The following PLEKHA8 variants were observed in gnomAD, a reference collection of about 807,000 sequenced individuals.
PLEKHA8 encodes the protein pleckstrin homology domain containing A8.
In PLEKHA8, 36 loss-of-function variants were observed where a neutral mutation model predicts 68.2. The ratio of observed to expected loss-of-function variants is 0.53; its 90% CI spans 0.40 to 0.70. The LOEUF (loss-of-function observed/expected upper bound fraction) is 0.70. PLEKHA8 is among the 30% of genes least tolerant of loss of function. The pLI, the probability that PLEKHA8 is intolerant of heterozygous loss-of-function variation, is 0.00. For missense variants in PLEKHA8, 505 were observed against 615.4 expected, an observed-to-expected ratio of 0.82 and a Z score of 1.90; for synonymous variants, 211 against 216.1, an observed-to-expected ratio of 0.98 and a Z score of 0.20.
chr7:30,029,179 G>C (rs564540179), intron 1 of PLEKHA8, among the ~76,000 whole-genome samples: 3 of 152,342 alleles, frequency 2.0e-5, no homozygotes, highest in Non-Finnish European at 4.4e-5. Context: ...TTGGCTCGCA[G>C]CTAGGTTGGA....
chr7:30,031,839 A>G (rs551382708), intron 1 of PLEKHA8, among the ~76,000 whole-genome samples: 21 of 152,306 alleles, frequency 1.4e-4, no homozygotes, highest in African/African-American at 5.1e-4. Context: ...TTAATTACTG[A>G]AAGTTAGAAT....
At chr7:30,109,232 T>A (rs1015614653) in intron 13 of PLEKHA8, among the ~76,000 whole-genome samples, 2 of 152,178 alleles carry the variant, frequency 1.3e-5, no homozygotes, top group African/African-American at 4.8e-5. Context: ...AACACAGAAT[T>A]CCCATATAAC....
Position 30,055,376 on chromosome 7 carries a change from T to G in PLEKHA8, c.1039+34T>G, listed in dbSNP as rs751874500. On this transcript the variant is annotated intron_variant, in intron 9 of 13. Coordinates refer to ENST00000449726, the MANE Select transcript of PLEKHA8 (RefSeq NM_001197026.2). ...CCTGCAGTTGCCTTACATTCATTCATGTCTAGAATCTGCCTCACTGTAGTT... is the reference window on the plus strand; with the variant it reads ...CCTGCAGTTGCCTTACATTCATTCAGGTCTAGAATCTGCCTCACTGTAGTT... The G allele has an allele frequency of 1.9e-6, 3 of 1,581,154 alleles. No homozygotes were observed. The East Asian group carries it at 6.7e-5, about 35-fold the overall frequency.
rs942368161 is a variant in PLEKHA8 at position 30,083,899 on chromosome 7, A to G, written c.*5112A>G. 43 of 985,308 alleles carry G rather than the reference A, an allele frequency of 4.4e-5. No individual in the cohort carries two copies. Among genetic ancestry groups the G allele is most frequent in the Non-Finnish European group, 5.2e-5 (43 of 829,928 alleles). 61.0% of individuals were successfully genotyped at this position (985,308 alleles called of 1,614,324 possible). On this transcript the variant is annotated 3_prime_UTR_variant, in exon 14 of 14. Coordinates refer to ENST00000449726, the MANE Select transcript of PLEKHA8 (RefSeq NM_001197026.2). Reference sequence around the variant, plus strand: ...ATCTTACCCACACAGACTCCTGTGTATGCGTGTCTGTTTATAGGTGTATAT... The same window carrying G: ...ATCTTACCCACACAGACTCCTGTGTGTGCGTGTCTGTTTATAGGTGTATAT...
chr7:30,123,042 T>C (rs113133454), intron 13 of PLEKHA8, among the ~76,000 whole-genome samples: 19 of 152,286 alleles, frequency 1.2e-4, no homozygotes, highest in African/African-American at 4.3e-4. Flanking sequence ...CTAAGCTAGC[T>C]TGAATGAGTT....
chr7:30,060,885 C>A lies in PLEKHA8; in HGVS notation c.1041C>A (p.Asp347Glu), dbSNP rs776169032. The A allele has an allele frequency of 1.9e-6, 3 of 1,611,244 alleles. No individual in the cohort carries two copies. Among genetic ancestry groups the A allele is most frequent in the Non-Finnish European group, 2.5e-6 (3 of 1,178,954 alleles). The change falls in exon 10 of 14, where the codon GAC becomes GAA. Residue 347 changes from aspartate to glutamate, a missense_variant and splice_region_variant. Transcript: ENST00000449726. ...AATGTTTTTAATCTTTTCTTCTAGA[C>A]AAACTTGGCCCTACAGTGTTTGCTC... ...ASCYAVVPVL[D>E]KLGPTVFAPV...
chr7:30,065,715 C>T (rs1793798546), intron 12 of PLEKHA8, among the ~76,000 whole-genome samples: 1 of 151,622 alleles, frequency 6.6e-6, no homozygotes, highest in Admixed American at 6.5e-5. Flanking sequence ...ACAGCTATCA[C>T]TTACAGAGCA....
At position 30,067,622 on chromosome 7, in the gene PLEKHA8, G is replaced by A. The variant is rs114994275; in HGVS notation, c.1300+4880G>A. Among the ~76,000 whole-genome samples the A allele has an allele frequency of 7.3e-3, 1,110 of 152,254 alleles. 17 individuals carry two copies. Among genetic ancestry groups the A allele is most frequent in the African/African-American group, 0.026 (1,065 of 41,544 alleles). ...CCAGAGATCATCATCCTGAATTTGC[G>A]TAGTTCATTATGTAATACATGTTTT... On this transcript the variant is annotated intron_variant, in intron 12 of 13. Transcript: ENST00000449726.
At chr7:30,065,214 C>T (rs548224258) in intron 12 of PLEKHA8, among the ~76,000 whole-genome samples, 181 of 152,292 alleles carry the variant, frequency 1.2e-3, no homozygotes, top group African/African-American at 3.6e-3. Flanking sequence ...CCTCTCTTCT[C>T]CTTCGGCACA....
chr7:30,082,528 C>T lies in PLEKHA8; in HGVS notation c.*3741C>T, dbSNP rs866360585. On this transcript the variant is annotated 3_prime_UTR_variant, in exon 14 of 14. Transcript: ENST00000449726. ...CGGGTGAATGACATGACATGGGGCA[C>T]CTAGGAAAGATGATTATTAGAGGAG... 2.0e-6 allele frequency: 2 copies of T among 985,244 alleles called. No individual in the cohort carries two copies. The highest frequency in any genetic ancestry group is 9.4e-5 in the South Asian group (2 of 21,266). The allele number at this position is 985,244 out of a possible 1,614,324, so 61.0% of individuals were successfully genotyped here. A position where few individuals can be genotyped will look rare whatever the true frequency, so the allele number is the denominator to read the frequency against.
chr7:30,041,814 G>A (rs77871572), intron 1 of PLEKHA8, among the ~76,000 whole-genome samples: 8,436 of 152,068 alleles, frequency 0.055, 357 homozygotes, highest in Middle Eastern at 0.078. Context: ...TCAGTTTTAG[G>A]ACACTCTTTT....
chr7:30,120,748 G>T (rs1016926550), intron 13 of PLEKHA8, among the ~76,000 whole-genome samples: 5 of 152,182 alleles, frequency 3.3e-5, no homozygotes, highest in African/African-American at 1.2e-4. Context: ...AATTCAGTTG[G>T]CTTGATTGGT....
At chr7:30,117,487 T>G (rs1273726296) in intron 13 of PLEKHA8, among the ~76,000 whole-genome samples, 1 of 152,146 alleles carries the variant, frequency 6.6e-6, no homozygotes, top group African/African-American at 2.4e-5. Flanking sequence ...GGAGGATTGC[T>G]TTAGCTCAGG....
Position 30,028,820 on chromosome 7 carries a change from G to C in PLEKHA8, c.40+18G>C, listed in dbSNP as rs1387050683. The C allele has an allele frequency of 3.2e-6, 4 of 1,261,004 alleles. No individual in the cohort carries two copies. Among genetic ancestry groups the C allele is most frequent in the African/African-American group, 1.5e-5 (1 of 64,742 alleles). 78.1% of individuals were successfully genotyped at this position (1,261,004 alleles called of 1,614,324 possible). On this transcript the variant is annotated intron_variant, in intron 1 of 13. Coordinates refer to ENST00000449726, the MANE Select transcript of PLEKHA8 (RefSeq NM_001197026.2). ...TCTGAGCGGTGAGTGGCCGTGCCGG[G>C]CCGGGGGCGCGCCGGGGGCCGGTCC... is the stretch of plus-strand genomic sequence containing the variant.
In PLEKHA8 at chr7:30,079,852, T is replaced by C. The variant is rs1231347266; in HGVS notation, c.*1065T>C. The stretch of plus-strand genomic sequence containing the variant: ...ATTGAAGAGCAACTAGATTAAATTC[T>C]AGTTTACAAAATTACCAGTTTTCTT... On this transcript the variant is annotated 3_prime_UTR_variant, in exon 14 of 14. Transcript: ENST00000449726. 1.0e-6 allele frequency: 1 copy of C among 959,598 alleles called. No homozygotes were observed. Among genetic ancestry groups the C allele is most frequent in the Non-Finnish European group, 1.2e-6 (1 of 806,714 alleles). The allele number at this position is 959,598 out of a possible 1,614,324, so 59.4% of individuals were successfully genotyped here. A position where few individuals can be genotyped will look rare whatever the true frequency, so the allele number is the denominator to read the frequency against.
rs35738941 is a variant in PLEKHA8, at chr7:30,073,563, TA to T, written c.1301-482del. Among the ~76,000 whole-genome samples the T allele has an allele frequency of 6.9e-3, 772 of 111,756 alleles. 7 individuals are homozygous for T. Among genetic ancestry groups the T allele is most frequent in the African/African-American group, 0.018 (500 of 28,054 alleles). The allele number at this position is 111,756 out of a possible 152,430, so 73.3% of individuals were successfully genotyped here. A position where few individuals can be genotyped will look rare whatever the true frequency, so the allele number is the denominator to read the frequency against. On this transcript the variant is annotated intron_variant, in intron 12 of 13. Transcript: ENST00000449726. ...TAAGAGTGGAAGTATTTGTGTTTCTTAAAAAAAAAAAAAAAAAAAAAAAAAA... is the reference window on the plus strand; with the variant it reads ...TAAGAGTGGAAGTATTTGTGTTTCTTAAAAAAAAAAAAAAAAAAAAAAAAA...
intron 1 of PLEKHA8, among the ~76,000 whole-genome samples, chr7:30,044,254 C>T (rs2127970306): frequency 6.6e-6 from 1 of 152,190 alleles, no homozygotes; most frequent in Admixed American, 6.5e-5. Flanking sequence ...ATCCATCCAC[C>T]TCGACCTCCC....
Position 30,061,894 on chromosome 7 carries a change from C to T in PLEKHA8, c.1099-3C>T, listed in dbSNP as rs560069909. 2.5e-6 allele frequency: 4 copies of T among 1,613,598 alleles called. No homozygotes were observed. In the African/African-American group the frequency reaches 5.3e-5, roughly 22 times the overall value. On this transcript the variant is annotated splice_polypyrimidine_tract_variant and splice_region_variant and intron_variant, in intron 10 of 13. Coordinates refer to ENST00000449726, the MANE Select transcript of PLEKHA8 (RefSeq NM_001197026.2). ...TTAGGTTGTTTCCCTGCTTTCCCTC[C>T]AGAAAGTAAATCAGAAGTATATAAC...
Position 30,081,306 on chromosome 7 carries a change from A to T in PLEKHA8, c.*2519A>T. ...ATATTACGTTTGCCTAAGATGTATAAAAGTTTGTTTAAGATGTGTAAAAGT... is the reference window on the plus strand; with the variant it reads ...ATATTACGTTTGCCTAAGATGTATATAAGTTTGTTTAAGATGTGTAAAAGT... On this transcript the variant is annotated 3_prime_UTR_variant, in exon 14 of 14. Transcript: ENST00000449726. 1 of 985,292 alleles carries T rather than the reference A, an allele frequency of 1.0e-6. No homozygotes were observed. The highest frequency in any genetic ancestry group is 1.2e-6 in the Non-Finnish European group (1 of 829,800). The allele number at this position is 985,292 out of a possible 1,614,324, so 61.0% of individuals were successfully genotyped here.
Sources: allele counts gnomAD v4.1 joint callset (sites outside exome capture counted in the v4.1 genomes callset), GRCh38; gene constraint gnomAD v4.1.1; transcripts MANE v1.5; gene names NCBI Gene and HGNC (gene_info 2026-07-23, HGNC 2026-07-21).